Variants in TPI1 observed in about 807,000 individuals in gnomAD.
TPI1 encodes triosephosphate isomerase.
A neutral mutation model predicts 31.0 loss-of-function variants in TPI1; 11 were observed. The ratio of observed to expected loss-of-function variants is 0.36; its 90% confidence interval spans 0.22 to 0.59. The LOEUF (loss-of-function observed/expected upper bound fraction) is 0.59. Ranked by LOEUF, TPI1 falls within the 20% of genes least tolerant of loss-of-function variation. TPI1 has a pLI of 0.79. For missense variants in TPI1, 245 were observed against 319.7 expected, an observed-to-expected ratio of 0.77 and a Z score of 1.78; for synonymous variants, 121 against 122.8, an observed-to-expected ratio of 0.99 and a Z score of 0.10.
In TPI1 at chr12:6,867,638, G is replaced by A. The variant is rs1555131550; in HGVS notation, c.72G>A (p.Glu24=). The A allele has an allele frequency of 2.5e-6, 4 of 1,612,312 alleles. No homozygotes were observed. Among genetic ancestry groups the A allele is most frequent in the African/African-American group, 2.7e-5 (2 of 74,862 alleles). Residue 24 remains glutamate (E), a synonymous_variant, in exon 1 of 7, where the codon GAG becomes GAA. Coordinates refer to ENST00000396705, the MANE Select transcript of TPI1 (RefSeq NM_000365.6). ...ACGGGCGGAAGCAGAGTCTGGGGGAGCTCATCGGCACTCTGAACGCGGCCA... is the reference window on the plus strand; with the variant it reads ...ACGGGCGGAAGCAGAGTCTGGGGGAACTCATCGGCACTCTGAACGCGGCCA... ...KMNGRKQSLG[E]LIGTLNAAKV...
Position 6,870,846 on chromosome 12 carries a change from C to T in TPI1, c.*463C>T, listed in dbSNP as rs1555133014. 4 of 545,966 alleles carry T rather than the reference C, an allele frequency of 7.3e-6. No individual in the cohort carries two copies. Among genetic ancestry groups the T allele is most frequent in the South Asian group, 1.5e-5 (1 of 65,312 alleles). The allele number at this position is 545,966 out of a possible 1,614,324, so 33.8% of individuals were successfully genotyped here. A position where few individuals can be genotyped will look rare whatever the true frequency, so the allele number is the denominator to read the frequency against. ...GCACTAGGTCTTGTGGTTTGTCTGCCTTCACTGGACTTGCCCAGATAATCT... is the reference window on the plus strand; with the variant it reads ...GCACTAGGTCTTGTGGTTTGTCTGCTTTCACTGGACTTGCCCAGATAATCT... On this transcript the variant is annotated 3_prime_UTR_variant, in exon 7 of 7. Transcript: ENST00000396705.
Position 6,870,895 on chromosome 12 carries a change from A to G in TPI1, c.*512A>G. ...CTTCCTTTTTGAGGCAGCTATATAA[A>G]TGATCATTTGTGCAAGAAAAAAAAA... is the stretch of plus-strand genomic sequence containing the variant. On this transcript the variant is annotated 3_prime_UTR_variant, in exon 7 of 7. Coordinates refer to ENST00000396705, the MANE Select transcript of TPI1 (RefSeq NM_000365.6). The G allele has an allele frequency of 1.6e-6, 1 of 614,344 alleles. No individual in the cohort carries two copies. The highest frequency in any genetic ancestry group is 1.5e-5 in the South Asian group (1 of 65,388). The allele number at this position is 614,344 out of a possible 1,614,324, so 38.1% of individuals were successfully genotyped here.
At position 6,867,558 on chromosome 12, in the gene TPI1, T is replaced by C. The variant is rs1555131439; in HGVS notation, c.-9T>C. On this transcript the variant is annotated 5_prime_UTR_variant, in exon 1 of 7. Transcript: ENST00000396705. ...AGACACTGACCTTCAGCGCCTCGGC[T>C]CCAGCGCCATGGCGCCCTCCAGGAA... 5.0e-6 allele frequency: 8 copies of C among 1,611,624 alleles called. No individual in the cohort carries two copies. The highest frequency in any genetic ancestry group is 2.7e-5 in the African/African-American group (2 of 74,804).
At chr12:6,869,429 C>A in intron 4 of TPI1, 39 bp downstream of exon 4, 1 of 1,613,440 alleles carries the variant, frequency 6.2e-7, no homozygotes, top group Non-Finnish European at 8.5e-7. Flanking sequence ...CTATCCAGGG[C>A]CACAGAGACT....
chr12:6,869,608 C>A (rs896887070), intron 4 of TPI1, 80 bp from the exon 5 acceptor site: 6 of 1,543,968 alleles, frequency 3.9e-6, no homozygotes, highest in Non-Finnish European at 5.4e-6. Context: ...AGTAGGCCAC[C>A]GTTCTTCGTA....
rs993607944 is a variant in TPI1, at chr12:6,870,691, A to C, written c.*308A>C. 1 of 592,458 alleles carries C rather than the reference A, an allele frequency of 1.7e-6. No homozygotes were observed. The highest frequency in any genetic ancestry group is 1.8e-5 in the African/African-American group (1 of 54,806). The allele number at this position is 592,458 out of a possible 1,614,324, so 36.7% of individuals were successfully genotyped here. A position where few individuals can be genotyped will look rare whatever the true frequency, so the allele number is the denominator to read the frequency against. On this transcript the variant is annotated 3_prime_UTR_variant, in exon 7 of 7. Transcript: ENST00000396705. The stretch of plus-strand genomic sequence containing the variant: ...CCCTAGGCCCTAGTGAGGGCAGAAG[A>C]GAAACCATCCTCTCCCTTCTTACAC...
intron 4 of TPI1, 96 bp from the exon 5 acceptor site, chr12:6,869,592 G>C (rs1293809681): frequency 3.3e-6 from 5 of 1,504,310 alleles, no homozygotes; most frequent in African/African-American, 1.4e-5. Flanking sequence ...ATGTCCACTA[G>C]GGGGCAGTAG....
At position 6,869,752 on chromosome 12, in the gene TPI1, C is replaced by T. The variant is rs1944545035; in HGVS notation, c.522C>T (p.Gly174=). Residue 174 remains glycine (G), a synonymous_variant, in exon 5 of 7, where the codon GGC becomes GGT. Coordinates refer to ENST00000396705, the MANE Select transcript of TPI1 (RefSeq NM_000365.6). Reference sequence around the variant, plus strand: ...AGCCTGTGTGGGCCATTGGTACTGGCAAGACTGCAACACCCCAACAGGTAA... The same window carrying T: ...AGCCTGTGTGGGCCATTGGTACTGGTAAGACTGCAACACCCCAACAGGTAA... ...AYEPVWAIGT[G]KTATPQQAQE... is the part of the protein sequence containing the mutation. 1.2e-6 allele frequency: 2 copies of T among 1,614,106 alleles called. No homozygotes were observed. The highest frequency in any genetic ancestry group is 1.7e-6 in the Non-Finnish European group (2 of 1,180,050).
At chr12:6,869,046 GA>G in intron 2 of TPI1, 52 bp from the exon 3 acceptor site, 3 of 1,614,162 alleles carry the variant, frequency 1.9e-6, no homozygotes, top group Non-Finnish European at 2.5e-6. Flanking sequence ...TCGTTGAGGG[GA>G]AAGCCACAGG....
chr12:6,869,565 C>A, intron 4 of TPI1, 123 bp from the exon 5 acceptor site: 1 of 1,462,350 alleles, frequency 6.8e-7, no homozygotes, highest in Non-Finnish European at 9.6e-7. Context: ...AGGTAGATGC[C>A]ACCTGGAAAT....
At chr12:6,870,009 A>C in intron 5 of TPI1, 40 bp from the exon 6 acceptor site, 1 of 1,606,806 alleles carries the variant, frequency 6.2e-7, no homozygotes, top group South Asian at 1.1e-5. Context: ...CCTCTTAGAG[A>C]GGCAGAAAAG....
chr12:6,869,959 C>A, intron 5 of TPI1, 90 bp from the exon 6 acceptor site: 2 of 1,504,258 alleles, frequency 1.3e-6, no homozygotes, highest in South Asian at 1.1e-5. Context: ...CTGACTCAGT[C>A]AGAAACCACA....
At chr12:6,867,825 G>T in intron 1 of TPI1, 144 bp downstream of exon 1, 1 of 928,178 alleles carries the variant, frequency 1.1e-6, no homozygotes, top group Non-Finnish European at 1.5e-6. Flanking sequence ...GGCCGCTGGG[G>T]TCCGGGCAGG....
rs896916107 is a variant in TPI1, at chr12:6,869,328, T to C, written c.395T>C (p.Leu132Pro). The change falls in exon 4 of 7, where the codon CTA (leucine) becomes CCA (proline). Residue 132 changes from leucine to proline, a missense_variant. Physicochemically the swap from Leu to Pro is moderately conservative, Grantham distance 98 (BLOSUM62 -3). Coordinates refer to ENST00000396705, the MANE Select transcript of TPI1 (RefSeq NM_000365.6). ...GTAATCGCCTGCATTGGGGAGAAGC[T>C]AGATGAAAGGGAAGCTGGCATCACT... ...LGVIACIGEK[L>P]DEREAGITEK... The C allele has an allele frequency of 8.1e-6, 13 of 1,613,890 alleles. No homozygotes were observed. The highest frequency in any genetic ancestry group is 2.2e-5 in the South Asian group (2 of 91,076).
At chr12:6,867,904 A>G (rs1944493052) in intron 1 of TPI1, among the ~76,000 whole-genome samples, 1 of 152,142 alleles carries the variant, frequency 6.6e-6, no homozygotes. Context: ...CCCTTGGACT[A>G]TGGGGCAGGT....
chr12:6,869,591 A>AGG, intron 4 of TPI1, 97 bp from the exon 5 acceptor site: 1 of 1,484,530 alleles, frequency 6.7e-7, no homozygotes, highest in Non-Finnish European at 9.4e-7. Flanking sequence ...AATGTCCACT[A>AGG]GGGGGCAGTA....
intron 1 of TPI1, 95 bp downstream of exon 1, chr12:6,867,776 CGGTAT>C: frequency 7.6e-7 from 1 of 1,309,228 alleles, no homozygotes; most frequent in Non-Finnish European, 1.0e-6. Context: ...GCCCCGAGGC[CGGTAT>C]CCGCGCGGAC....
chr12:6,868,758 A>C, intron 1 of TPI1, 106 bp from the exon 2 acceptor site: 1 of 1,509,176 alleles, frequency 6.6e-7, no homozygotes, highest in South Asian at 1.2e-5. Context: ...AGCAGAACCA[A>C]GAAGAAGAGG....
chr12:6,868,223 G>A, intron 1 of TPI1: 3 of 1,287,810 alleles, frequency 2.3e-6, no homozygotes, highest in Non-Finnish European at 2.0e-6. Flanking sequence ...GGAAGGGACC[G>A]AGCCCGTGCC....
Sources: allele counts gnomAD v4.1 joint callset (sites outside exome capture counted in the v4.1 genomes callset), GRCh38; gene constraint gnomAD v4.1.1; transcripts MANE v1.5; gene names NCBI Gene and HGNC (gene_info 2026-07-23, HGNC 2026-07-21).